ADGRB3: variants seen among roughly 807,000 people sequenced by gnomAD.
ADGRB3 encodes adhesion G protein-coupled receptor B3, also known as brain-specific angiogenesis inhibitor 3.
In ADGRB3, 37 loss-of-function variants were observed where a neutral mutation model predicts 193.4. That is an observed-to-expected ratio of 0.19 (90% CI 0.15 to 0.25). The LOEUF is 0.25. Among genes scored for constraint, ADGRB3 ranks in the 10% least tolerant of loss-of-function variants. The pLI is 1.00. For synonymous variants in ADGRB3, 690 were observed against 644.2 expected (o/e 1.07, Z -1.08); for missense variants, 1,637 against 1,852.9 (o/e 0.88, Z 2.14).
At chr6:69,232,984 G>C (rs1273908469) in intron 17 of ADGRB3, 7 of 432,282 alleles carry the variant, frequency 1.6e-5, no homozygotes, top group Admixed American at 1.2e-4. Context: ...GCGGCTGCTC[G>C]TGCTGCCGCC....
intron 20 of ADGRB3, among the ~76,000 whole-genome samples, chr6:69,301,489 C>T (rs1767947087): frequency 6.6e-6 from 1 of 151,814 alleles, no homozygotes; most frequent in Non-Finnish European, 1.5e-5. Flanking sequence ...AAGTAAATTG[C>T]ATATTGCATA....
At chr6:68,796,268 TA>T (rs1418592402) in intron 3 of ADGRB3, among the ~76,000 whole-genome samples, 14 of 152,116 alleles carry the variant, frequency 9.2e-5, no homozygotes, top group African/African-American at 7.2e-5. Context: ...TTTATCAACA[TA>T]TTTTTTTATA....
intron 17 of ADGRB3, among the ~76,000 whole-genome samples, chr6:69,223,652 C>CT (rs554027181): frequency 0.04 from 4,396 of 110,374 alleles, 289 homozygotes; most frequent in African/African-American, 0.11. Flanking sequence ...CTCTCTCTCT[C>CT]TTTTTTTTTT....
chr6:69,288,015 T>A (rs1459494551), intron 20 of ADGRB3, among the ~76,000 whole-genome samples: 2 of 152,188 alleles, frequency 1.3e-5, no homozygotes, highest in Non-Finnish European at 2.9e-5. Context: ...GAACATGCAG[T>A]AGCAATAAAA....
chr6:68,819,595 G>A (rs1243853455), intron 3 of ADGRB3, among the ~76,000 whole-genome samples: 1 of 151,944 alleles, frequency 6.6e-6, no homozygotes, highest in Admixed American at 6.6e-5. Context: ...CTGCTGCGGA[G>A]TATTTCTTCC....
intron 3 of ADGRB3, among the ~76,000 whole-genome samples, chr6:68,864,209 T>C (rs1168114869): frequency 1.3e-5 from 2 of 152,230 alleles, no homozygotes; most frequent in African/African-American, 2.4e-5. Flanking sequence ...CTGCCCAGAA[T>C]ATATTTTACT....
At chr6:69,382,542 T>A (rs894324818) in intron 30 of ADGRB3, among the ~76,000 whole-genome samples, 3 of 151,964 alleles carry the variant, frequency 2.0e-5, no homozygotes, top group Admixed American at 2.0e-4. Flanking sequence ...AACTTTTGAA[T>A]AATGAAAATC....
intron 17 of ADGRB3, among the ~76,000 whole-genome samples, chr6:69,162,013 AT>A (rs1430770213): frequency 6.6e-6 from 1 of 152,132 alleles, no homozygotes; most frequent in East Asian, 1.9e-4. Context: ...AAGTAAATCA[AT>A]AAATCCAGAC....
At chr6:68,876,803 T>C (rs979759550) in intron 3 of ADGRB3, among the ~76,000 whole-genome samples, 3 of 152,156 alleles carry the variant, frequency 2.0e-5, no homozygotes, top group Admixed American at 6.5e-5. Context: ...TGCAAAATAT[T>C]TACAAACTGT....
intron 20 of ADGRB3, among the ~76,000 whole-genome samples, chr6:69,299,758 A>G (rs576213380): frequency 6.6e-6 from 1 of 151,836 alleles, no homozygotes; most frequent in African/African-American, 2.4e-5. Flanking sequence ...TATTTATGTC[A>G]GTACTATGAT....
intron 17 of ADGRB3, among the ~76,000 whole-genome samples, chr6:69,206,055 A>G (rs1262647039): frequency 2.3e-5 from 3 of 129,154 alleles, no homozygotes; most frequent in Non-Finnish European, 3.4e-5. Context: ...GTATATATAT[A>G]TATATATATA....
intron 3 of ADGRB3, among the ~76,000 whole-genome samples, chr6:68,668,012 T>G (rs1307141325): frequency 6.6e-6 from 1 of 151,590 alleles, no homozygotes; most frequent in East Asian, 1.9e-4. Flanking sequence ...CACATAACCT[T>G]GTGAAACTAT....
intron 20 of ADGRB3, among the ~76,000 whole-genome samples, chr6:69,291,316 A>G (rs1452411162): frequency 6.6e-6 from 1 of 152,170 alleles, no homozygotes; most frequent in African/African-American, 2.4e-5. Flanking sequence ...ATTAGAGTAT[A>G]TAAACGCATG....
At chr6:68,856,325 T>G (rs1217800415) in intron 3 of ADGRB3, among the ~76,000 whole-genome samples, 1 of 152,134 alleles carries the variant, frequency 6.6e-6, no homozygotes, top group Non-Finnish European at 1.5e-5. Context: ...AGGCATAGGT[T>G]TGAACAGTTG....
chr6:68,853,932 TG>T (rs1413322695), intron 3 of ADGRB3, among the ~76,000 whole-genome samples: 2 of 152,196 alleles, frequency 1.3e-5, no homozygotes, highest in Admixed American at 1.3e-4. Context: ...ACCATGCATG[TG>T]CGAAGGGAAT....
At chr6:69,325,745 G>A (rs1471246844) in intron 21 of ADGRB3, among the ~76,000 whole-genome samples, 1 of 152,172 alleles carries the variant, frequency 6.6e-6, no homozygotes, top group African/African-American at 2.4e-5. Flanking sequence ...AGGAACCTGG[G>A]AAATTACAAA....
At chr6:69,158,387 A>G (rs1029347169) in intron 17 of ADGRB3, among the ~76,000 whole-genome samples, 12 of 151,664 alleles carry the variant, frequency 7.9e-5, no homozygotes, top group Non-Finnish European at 1.6e-4. Flanking sequence ...ATTGAAAAAC[A>G]CATATTACAT....
intron 3 of ADGRB3, among the ~76,000 whole-genome samples, chr6:68,927,248 T>G (rs1356037269): frequency 2.0e-5 from 3 of 152,134 alleles, no homozygotes; most frequent in Non-Finnish European, 4.4e-5. Flanking sequence ...GATCATCTTT[T>G]TATTTGGTTA....
intron 20 of ADGRB3, among the ~76,000 whole-genome samples, chr6:69,283,613 A>G (rs1767485899): frequency 6.6e-6 from 1 of 152,066 alleles, no homozygotes; most frequent in South Asian, 2.1e-4. Flanking sequence ...TCCTCTCATG[A>G]AAAAAGCTTA....
Sources: allele counts gnomAD v4.1 joint callset (sites outside exome capture counted in the v4.1 genomes callset), GRCh38; gene constraint gnomAD v4.1.1; transcripts MANE v1.5; gene names NCBI Gene and HGNC (gene_info 2026-07-23, HGNC 2026-07-21).